The following KHDRBS2 variants were observed in gnomAD, a reference collection of about 807,000 sequenced individuals.
The protein encoded by KHDRBS2 is KH domain-containing, RNA-binding, signal transduction-associated protein 2.
Under a neutral mutation model 44.3 loss-of-function variants are expected in KHDRBS2, and 26 were observed. The ratio of observed to expected loss-of-function variants is 0.59; its 90% CI spans 0.43 to 0.81. The LOEUF (loss-of-function observed/expected upper bound fraction) is 0.81. Ranked by LOEUF, KHDRBS2 falls within the 40% of genes least tolerant of loss-of-function variation. The probability of loss-of-function intolerance (pLI) is 0.00; values close to 1 mark genes in which losing one functional copy is unlikely to be tolerated. For missense variants in KHDRBS2, 476 were observed against 433.1 expected (o/e 1.10, Z -0.88); for synonymous variants, 194 against 151.1 (o/e 1.28, Z -2.08).
At chr6:61,661,534 T>C in the KHDRBS2 span, among the ~76,000 whole-genome samples, 19 of 151,928 alleles carry the variant, frequency 1.3e-4, no homozygotes, top group Non-Finnish European at 2.1e-4. Context: ...ACCTTTTGTA[T>C]TTAAGGGCTT....
At chr6:62,083,177 GGCAGA>G (rs3057702) in intron 2 of KHDRBS2, among the ~76,000 whole-genome samples, 71,025 of 151,284 alleles carry the variant, frequency 0.47, 17,065 homozygotes, top group East Asian at 0.52. Context: ...ACTGGGAGAG[GGCAGA>G]GCATCACAGC....
chr6:62,008,362 T>C (rs1335916355), intron 3 of KHDRBS2, among the ~76,000 whole-genome samples: 1 of 152,170 alleles, frequency 6.6e-6, no homozygotes, highest in Non-Finnish European at 1.5e-5. Flanking sequence ...CTAATGTCCT[T>C]ATGAAAATGA....
chr6:61,774,861 T>C (rs1340009297), intron 6 of KHDRBS2, among the ~76,000 whole-genome samples: 1 of 151,960 alleles, frequency 6.6e-6, no homozygotes, highest in South Asian at 2.1e-4. Flanking sequence ...TAGACCAATA[T>C]CCCTGATGAA....
the KHDRBS2 span, among the ~76,000 whole-genome samples, chr6:61,580,287 G>C: frequency 6.6e-6 from 1 of 152,108 alleles, no homozygotes; most frequent in African/African-American, 2.4e-5. Context: ...TCTAGCTAAA[G>C]GATTATAAAT....
At chr6:62,026,613 G>A (rs1232359679) in intron 3 of KHDRBS2, among the ~76,000 whole-genome samples, 10 of 150,320 alleles carry the variant, frequency 6.7e-5, no homozygotes, top group Non-Finnish European at 1.5e-4. Context: ...TTTTTTTTCA[G>A]AGCTCAGATC....
intron 8 of KHDRBS2, among the ~76,000 whole-genome samples, chr6:61,688,302 A>T (rs1767033760): frequency 6.6e-6 from 1 of 151,928 alleles, no homozygotes; most frequent in Non-Finnish European, 1.5e-5. Flanking sequence ...GTGAATGATA[A>T]TTTGGCACAA....
chr6:62,177,382 G>T lies in KHDRBS2; in HGVS notation c.92-70C>A, dbSNP rs1821360312. ...TGTTATCATAAATATGCTGAAAAAT[G>T]TTATCATAAATAATATTCATATTAC... is the stretch of plus-strand genomic sequence containing the variant. On this transcript the variant is annotated intron_variant, in intron 1 of 8. Transcript: ENST00000281156. 4.1e-6 allele frequency: 5 copies of T among 1,205,370 alleles called. No homozygotes were observed. The South Asian group carries it at 5.8e-5, about 14-fold the overall frequency. 74.7% of individuals were successfully genotyped at this position (1,205,370 alleles called of 1,614,324 possible). A position where few individuals can be genotyped will look rare whatever the true frequency, so the allele number is the denominator to read the frequency against.
At chr6:61,770,091 T>C (rs1230056883) in intron 6 of KHDRBS2, among the ~76,000 whole-genome samples, 1 of 152,198 alleles carries the variant, frequency 6.6e-6, no homozygotes, top group Non-Finnish European at 1.5e-5. Flanking sequence ...GGAGTGGACC[T>C]CTGGCAAACT....
chr6:61,544,159 C>T, the KHDRBS2 span, among the ~76,000 whole-genome samples: 2 of 151,842 alleles, frequency 1.3e-5, no homozygotes, highest in African/African-American at 4.8e-5. Context: ...GATAGATATG[C>T]CATTTTCCTG....
chr6:62,067,227 C>A (rs1198865728), intron 2 of KHDRBS2, among the ~76,000 whole-genome samples: 1 of 151,440 alleles, frequency 6.6e-6, no homozygotes, highest in Non-Finnish European at 1.5e-5. Flanking sequence ...GAAAACTAAA[C>A]AGGAAATCCA....
In KHDRBS2 at chr6:62,093,446, A is replaced by C. The variant is rs180844700; in HGVS notation, c.220-45452T>G. On this transcript the variant is annotated intron_variant, in intron 2 of 8. Coordinates refer to ENST00000281156, the MANE Select transcript of KHDRBS2 (RefSeq NM_152688.4). ...ATGTAATGATCAAATCAGGGTAATTAGCATGTCCATCACCTTAAACATTTA... is the reference window on the plus strand; with the variant it reads ...ATGTAATGATCAAATCAGGGTAATTCGCATGTCCATCACCTTAAACATTTA... Among the ~76,000 whole-genome samples the C allele has an allele frequency of 3.9e-5, 6 of 152,090 alleles. No individual in the cohort carries two copies. The East Asian group carries it at 1.2e-3, about 29-fold the overall frequency.
the KHDRBS2 span, among the ~76,000 whole-genome samples, chr6:61,562,397 T>A: frequency 6.6e-6 from 1 of 152,180 alleles, no homozygotes; most frequent in South Asian, 2.1e-4. Context: ...GTTGGCTGGT[T>A]TCATGTATAT....
intron 3 of KHDRBS2, among the ~76,000 whole-genome samples, chr6:62,042,406 T>C (rs1786723656): frequency 6.6e-6 from 1 of 152,144 alleles, no homozygotes; most frequent in Admixed American, 6.6e-5. Flanking sequence ...GTTGATCTAC[T>C]GTGCAGTTCA....
intron 3 of KHDRBS2, among the ~76,000 whole-genome samples, chr6:61,991,848 C>T (rs1380541681): frequency 6.6e-6 from 1 of 152,180 alleles, no homozygotes; most frequent in Admixed American, 6.5e-5. Context: ...ACTACAAAGG[C>T]TGCTGAAGAA....
intron 6 of KHDRBS2, among the ~76,000 whole-genome samples, chr6:61,749,009 C>CTTTTTTTTTTTTTTTT (rs34423906): frequency 3.8e-4 from 37 of 97,210 alleles, no homozygotes; most frequent in Middle Eastern, 7.1e-3. Context: ...TTCTTTCTTT[C>CTTTTTTTTTTTTTTTT]TTTTTTTTTT....
At chr6:61,637,347 T>C in the KHDRBS2 span, among the ~76,000 whole-genome samples, 1 of 152,190 alleles carries the variant, frequency 6.6e-6, no homozygotes, top group African/African-American at 2.4e-5. Context: ...TCCATGTCCC[T>C]ACAAAGGACA....
intron 6 of KHDRBS2, among the ~76,000 whole-genome samples, chr6:61,785,454 A>T (rs1200490736): frequency 6.6e-6 from 1 of 152,126 alleles, no homozygotes; most frequent in Non-Finnish European, 1.5e-5. Context: ...TTACCTAGTA[A>T]TATATTTTTA....
chr6:62,029,239 G>T (rs1478426707), intron 3 of KHDRBS2, among the ~76,000 whole-genome samples: 1 of 151,758 alleles, frequency 6.6e-6, no homozygotes, highest in African/African-American at 2.4e-5. Context: ...AGTAACAGTT[G>T]CAAGAAAACA....
At chr6:62,125,748 G>A (rs780439965) in intron 2 of KHDRBS2, among the ~76,000 whole-genome samples, 2 of 152,086 alleles carry the variant, frequency 1.3e-5, no homozygotes, top group African/African-American at 2.4e-5. Context: ...AGGCCAGGAG[G>A]GAACCTGCTA....
Sources: allele counts gnomAD v4.1 joint callset (sites outside exome capture counted in the v4.1 genomes callset), GRCh38; gene constraint gnomAD v4.1.1; transcripts MANE v1.5; gene names NCBI Gene and HGNC (gene_info 2026-07-23, HGNC 2026-07-21).